EPHA6: variants seen among roughly 807,000 people sequenced by gnomAD.
The protein encoded by EPHA6 is EPH receptor A6, also known as ephrin type-A receptor 6.
EPHA6 carries 50 observed loss-of-function variants against 112.0 expected under a neutral mutation model. The ratio of observed to expected loss-of-function variants is 0.45; its 90% CI spans 0.36 to 0.56. The LOEUF is 0.56. Among genes scored for constraint, EPHA6 ranks in the 20% least tolerant of loss-of-function variants. The pLI, the probability that EPHA6 is intolerant of heterozygous loss-of-function variation, is 0.00. For synonymous variants in EPHA6, 529 were observed against 490.7 expected (o/e 1.08, Z -1.03); for missense variants, 1,280 against 1,417.4 (o/e 0.90, Z 1.56).
In EPHA6 at chr3:97,514,359, C is replaced by G. The variant is rs1004737206; in HGVS notation, c.2201-17999C>G. On this transcript the variant is annotated intron_variant, in intron 10 of 17. Coordinates refer to ENST00000389672, the MANE Select transcript of EPHA6 (RefSeq NM_001080448.3). Reference sequence around the variant, plus strand: ...ACCTCCTTCTCTGTGTTTCTTGCCTCCCTTTCATATGTACCCTTGTGAGTA... The same window carrying G: ...ACCTCCTTCTCTGTGTTTCTTGCCTGCCTTTCATATGTACCCTTGTGAGTA... 3.9e-5 allele frequency among the ~76,000 whole-genome samples: 6 copies of G among 152,270 alleles called. 2 individuals are homozygous for G. The highest frequency in any genetic ancestry group is 2.4e-5 in the African/African-American group (1 of 41,570).
At chr3:97,675,410 G>C (rs1271334761) in intron 14 of EPHA6, among the ~76,000 whole-genome samples, 1 of 152,170 alleles carries the variant, frequency 6.6e-6, no homozygotes, top group African/African-American at 2.4e-5. Context: ...AGCCTGGGAG[G>C]TGGAGGTTGC....
intron 3 of EPHA6, among the ~76,000 whole-genome samples, chr3:97,045,681 A>T (rs1340142391): frequency 6.6e-6 from 1 of 152,058 alleles, no homozygotes; most frequent in Non-Finnish European, 1.5e-5. Flanking sequence ...ATATAGTGAA[A>T]ACTACCAATT....
chr3:97,444,884 A>ACTGTCATACTG (rs1376522185), intron 6 of EPHA6, among the ~76,000 whole-genome samples: 12 of 151,936 alleles, frequency 7.9e-5, no homozygotes, highest in African/African-American at 2.9e-4. Context: ...TAAACGAAAG[A>ACTGTCATACTG]TTCAGTGTGA....
intron 3 of EPHA6, among the ~76,000 whole-genome samples, chr3:97,157,630 C>T (rs1274066910): frequency 6.6e-6 from 1 of 152,016 alleles, no homozygotes; most frequent in Non-Finnish European, 1.5e-5. Flanking sequence ...AGACCCAGGA[C>T]AGCCTATAGT....
At chr3:97,404,153 T>G (rs2109122560) in intron 5 of EPHA6, among the ~76,000 whole-genome samples, 1 of 152,332 alleles carries the variant, frequency 6.6e-6, no homozygotes, top group South Asian at 2.1e-4. Context: ...TGTTGTGCAG[T>G]GTATCTCTGA....
In EPHA6 at chr3:97,201,983, C is replaced by T. The variant is rs144790724; in HGVS notation, c.1115-24281C>T. Among the ~76,000 whole-genome samples, 361 of 152,164 alleles carry T rather than the reference C, an allele frequency of 2.4e-3. 2 individuals carry two copies. Among genetic ancestry groups the T allele is most frequent in the African/African-American group, 8.2e-3 (342 of 41,536 alleles). On this transcript the variant is annotated intron_variant, in intron 3 of 17. Coordinates refer to ENST00000389672, the MANE Select transcript of EPHA6 (RefSeq NM_001080448.3). ...CTCTAACTAGGCACTCTAATGGGCA[C>T]ATACATAACCAAACATGCTGATGAT...
intron 1 of EPHA6, among the ~76,000 whole-genome samples, chr3:96,823,263 T>C (rs1375775453): frequency 6.6e-6 from 1 of 151,726 alleles, no homozygotes; most frequent in African/African-American, 2.4e-5. Context: ...ACAAGTAAAA[T>C]TGATTTTTAA....
chr3:97,224,011 C>T (rs1576716674), intron 3 of EPHA6, among the ~76,000 whole-genome samples: 1 of 150,888 alleles, frequency 6.6e-6, no homozygotes, highest in East Asian at 1.9e-4. Context: ...AAAGTACATA[C>T]AGGATTTCAA....
chr3:97,479,260 T>A (rs902606373), intron 8 of EPHA6, 34 bp from the exon 9 acceptor site: 1 of 1,472,424 alleles, frequency 6.8e-7, no homozygotes, highest in East Asian at 2.4e-5. Context: ...TCATACTTCT[T>A]AAAACAAGTT....
At chr3:96,879,072 T>C (rs570246759) in intron 2 of EPHA6, among the ~76,000 whole-genome samples, 1 of 152,198 alleles carries the variant, frequency 6.6e-6, no homozygotes, top group East Asian at 1.9e-4. Flanking sequence ...TGAAATATTG[T>C]CTATTATTAG....
rs538730823 is a variant in EPHA6, at chr3:97,210,842, G to A, written c.1115-15422G>A. Among the ~76,000 whole-genome samples, 5 of 152,318 alleles carry A rather than the reference G, an allele frequency of 3.3e-5. No individual in the cohort carries two copies. The East Asian group carries it at 9.7e-4, about 29-fold the overall frequency. ...TCTCTGCCCCATGCAGCATCAGCTG[G>A]ATTGGCAGGAGTGGGGACTGGAGGA... On this transcript the variant is annotated intron_variant, in intron 3 of 17. Transcript: ENST00000389672.
At chr3:97,720,453 A>T in intron 15 of EPHA6, 43 bp downstream of exon 15, 1 of 1,529,084 alleles carries the variant, frequency 6.5e-7, no homozygotes. Context: ...GTGAATGTAA[A>T]CACATTAGCT....
intron 3 of EPHA6, among the ~76,000 whole-genome samples, chr3:97,168,515 CTGTGTTTCTCTG>C (rs995029497): frequency 6.6e-6 from 1 of 151,970 alleles, no homozygotes; most frequent in Non-Finnish European, 1.5e-5. Flanking sequence ...TTTTCTCTCT[CTGTGTTTCTCTG>C]TGTGTTTCTC....
At chr3:97,346,366 C>T (rs1265460832) in intron 5 of EPHA6, among the ~76,000 whole-genome samples, 1 of 152,110 alleles carries the variant, frequency 6.6e-6, no homozygotes, top group African/African-American at 2.4e-5. Context: ...GCTAATTGTA[C>T]AAAGTTACTG....
chr3:97,344,742 A>G (rs1489036634), intron 5 of EPHA6, among the ~76,000 whole-genome samples: 1 of 152,190 alleles, frequency 6.6e-6, no homozygotes, highest in East Asian at 1.9e-4. Context: ...TAAACATTCT[A>G]GTAAGTGCGT....
intron 3 of EPHA6, among the ~76,000 whole-genome samples, chr3:97,152,848 A>G (rs2076201953): frequency 6.6e-6 from 1 of 152,104 alleles, no homozygotes; most frequent in African/African-American, 2.4e-5. Flanking sequence ...AATTAAAGCC[A>G]TCCCTGAGCA....
At chr3:97,265,375 A>G (rs1195673652) in intron 5 of EPHA6, among the ~76,000 whole-genome samples, 1 of 152,104 alleles carries the variant, frequency 6.6e-6, no homozygotes, top group Non-Finnish European at 1.5e-5. Flanking sequence ...ACCACCCCCA[A>G]CATCGGCTTC....
At chr3:97,002,546 C>T (rs1342076301) in intron 3 of EPHA6, among the ~76,000 whole-genome samples, 1 of 151,080 alleles carries the variant, frequency 6.6e-6, no homozygotes, top group Non-Finnish European at 1.5e-5. Context: ...GTTATTTGAC[C>T]TTGATGGATT....
At chr3:97,593,542 T>G (rs943454059) in intron 12 of EPHA6, among the ~76,000 whole-genome samples, 2 of 152,204 alleles carry the variant, frequency 1.3e-5, no homozygotes, top group Non-Finnish European at 2.9e-5. Context: ...TAACTAATAA[T>G]AATGCTAAAA....
Sources: allele counts gnomAD v4.1 joint callset (sites outside exome capture counted in the v4.1 genomes callset), GRCh38; gene constraint gnomAD v4.1.1; transcripts MANE v1.5; gene names NCBI Gene and HGNC (gene_info 2026-07-23, HGNC 2026-07-21).